The following BAZ2B variants were observed in gnomAD, a reference collection of about 807,000 sequenced individuals.
BAZ2B encodes the protein bromodomain adjacent to zinc finger domain protein 2B.
Under a neutral mutation model 246.0 loss-of-function variants are expected in BAZ2B, and 91 were observed. That is an observed-to-expected ratio of 0.37 (90% CI 0.31 to 0.44). The LOEUF (loss-of-function observed/expected upper bound fraction) is 0.44. Among genes scored for constraint, BAZ2B ranks in the 20% least tolerant of loss-of-function variants. BAZ2B has a pLI of 1.00. For synonymous variants in BAZ2B, 855 were observed against 860.0 expected (o/e 0.99, Z 0.10); for missense variants, 2,332 against 2,533.7 (o/e 0.92, Z 1.71).
chr2:159,443,520 T>C (rs1318972264), intron 6 of BAZ2B, among the ~76,000 whole-genome samples: 1 of 152,064 alleles, frequency 6.6e-6, no homozygotes, highest in Non-Finnish European at 1.5e-5. Flanking sequence ...ACTGAAGAAA[T>C]ACTGGGTGAA....
chr2:159,439,523 A>G (rs1178761892), intron 6 of BAZ2B, among the ~76,000 whole-genome samples: 1 of 152,228 alleles, frequency 6.6e-6, no homozygotes, highest in Non-Finnish European at 1.5e-5. Context: ...TCAGTTCACA[A>G]AATAATTCCA....
chr2:159,700,769 T>C, the BAZ2B span, among the ~76,000 whole-genome samples: 2 of 152,306 alleles, frequency 1.3e-5, no homozygotes, highest in Admixed American at 1.3e-4. Flanking sequence ...CTTATTGTTT[T>C]TTTTTCCTTG....
chr2:159,446,779 T>C lies in BAZ2B; in HGVS notation c.696+3A>G. 2.5e-6 allele frequency: 4 copies of C among 1,601,018 alleles called. No individual in the cohort carries two copies. Among genetic ancestry groups the C allele is most frequent in the Non-Finnish European group, 3.4e-6 (4 of 1,173,928 alleles). On this transcript the variant is annotated splice_donor_region_variant and intron_variant, in intron 6 of 36. Coordinates refer to ENST00000392783, the MANE Select transcript of BAZ2B (RefSeq NM_013450.4). ...TATATTAGTCCTTCCAAGTACAACT[T>C]ACCTTATCTTTGATTTTGTCAACTC...
At chr2:159,409,139 A>G (rs2066427776) in intron 14 of BAZ2B, among the ~76,000 whole-genome samples, 2 of 152,120 alleles carry the variant, frequency 1.3e-5, no homozygotes, top group Admixed American at 1.3e-4. Flanking sequence ...GTCTGCTTTA[A>G]TTTCAAAGAT....
At chr2:159,546,849 C>T (rs1297188240) in intron 2 of BAZ2B, among the ~76,000 whole-genome samples, 3 of 152,152 alleles carry the variant, frequency 2.0e-5, no homozygotes, top group African/African-American at 7.2e-5. Context: ...ACAGAAATAA[C>T]AAATCTGAAA....
At chr2:159,484,268 CTA>C (rs2150972973) in intron 2 of BAZ2B, among the ~76,000 whole-genome samples, 1 of 152,260 alleles carries the variant, frequency 6.6e-6, no homozygotes, top group African/African-American at 2.4e-5. Flanking sequence ...AATAGTAATT[CTA>C]TATAACTATA....
intron 1 of BAZ2B, among the ~76,000 whole-genome samples, chr2:159,587,836 A>G (rs565164367): frequency 7.4e-4 from 112 of 152,342 alleles, no homozygotes; most frequent in African/African-American, 2.5e-3. Context: ...TGAATTACCA[A>G]TAGTAGTTGC....
At chr2:159,619,528 CTA>C (rs1354938205), upstream of BAZ2B, among the ~76,000 whole-genome samples, 2 of 149,984 alleles carry the variant, frequency 1.3e-5, no homozygotes, top group Non-Finnish European at 3.0e-5. Context: ...ATATATTTCT[CTA>C]TTTCAATAAA....
the BAZ2B span, among the ~76,000 whole-genome samples, chr2:159,633,928 T>C: frequency 6.6e-6 from 1 of 151,970 alleles, no homozygotes; most frequent in Admixed American, 6.6e-5. Flanking sequence ...TTAGTAGAGA[T>C]GAGGTTTTGG....
At chr2:159,604,922 T>C (rs1374931512) in intron 1 of BAZ2B, among the ~76,000 whole-genome samples, 4 of 133,854 alleles carry the variant, frequency 3.0e-5, no homozygotes, top group Admixed American at 8.2e-5. Flanking sequence ...AACTGAAAAG[T>C]TAATATATTT....
intron 31 of BAZ2B, among the ~76,000 whole-genome samples, chr2:159,344,814 GA>G (rs1012692185): frequency 6.6e-6 from 1 of 151,678 alleles, no homozygotes; most frequent in African/African-American, 2.4e-5. Context: ...GTGGAAGCTT[GA>G]AAAAAAACTG....
chr2:159,667,751 T>G, the BAZ2B span, among the ~76,000 whole-genome samples: 1 of 152,082 alleles, frequency 6.6e-6, no homozygotes, highest in Non-Finnish European at 1.5e-5. Flanking sequence ...GTTCCATTGG[T>G]CCACGGGCTT....
intron 31 of BAZ2B, among the ~76,000 whole-genome samples, chr2:159,341,501 T>A (rs1174290518): frequency 1.3e-5 from 2 of 152,096 alleles, no homozygotes; most frequent in African/African-American, 4.8e-5. Flanking sequence ...CAAAGTAACA[T>A]CAAATTTAAT....
chr2:159,656,629 C>T, the BAZ2B span, among the ~76,000 whole-genome samples: 12 of 152,154 alleles, frequency 7.9e-5, no homozygotes, highest in East Asian at 1.4e-3. Flanking sequence ...CTTGGCAATA[C>T]GTGTTTAAGG....
intron 20 of BAZ2B, among the ~76,000 whole-genome samples, chr2:159,389,721 A>C (rs535781800): frequency 1.3e-5 from 2 of 152,308 alleles, no homozygotes; most frequent in South Asian, 4.1e-4. Flanking sequence ...ATACTTATTA[A>C]TACAAGCAGG....
At chr2:159,553,226 C>A (rs1278122911) in intron 2 of BAZ2B, among the ~76,000 whole-genome samples, 1 of 151,560 alleles carries the variant, frequency 6.6e-6, no homozygotes, top group Non-Finnish European at 1.5e-5. Flanking sequence ...AAAACCCTGT[C>A]TCTACTAAAA....
At chr2:159,359,491 G>C (rs139871602) in intron 27 of BAZ2B, among the ~76,000 whole-genome samples, 2,129 of 152,232 alleles carry the variant, frequency 0.014, 28 homozygotes, top group Middle Eastern at 0.027. Flanking sequence ...AAAAGCTCAG[G>C]ACCAGACAGA....
chr2:159,462,635 A>T (rs2076549248), intron 3 of BAZ2B: 3 of 943,490 alleles, frequency 3.2e-6, no homozygotes, highest in South Asian at 1.3e-5. Flanking sequence ...TTTATGACTA[A>T]CCAACTGAAC....
Position 159,386,569 on chromosome 2 carries a change from G to A in BAZ2B, c.3255C>T (p.Leu1085=). Residue 1085 remains leucine, a synonymous_variant, in exon 22 of 37, where the codon CTC becomes CTT. Transcript: ENST00000392783. ...GACAGTCTGAAAATGTACTTCCAGA[G>A]AGAACAAGTCCTGGAATACGAGGCA... is the stretch of plus-strand genomic sequence containing the variant. ...PELPRIPGLV[L]SGSTFSDCLM... 3 of 1,613,074 alleles carry A rather than the reference G, an allele frequency of 1.9e-6. No individual in the cohort carries two copies. Among genetic ancestry groups the A allele is most frequent in the Non-Finnish European group, 2.5e-6 (3 of 1,179,502 alleles).
Sources: gnomAD v4.1 joint callset for allele counts (sites outside exome capture counted in the v4.1 genomes callset) on GRCh38, gnomAD v4.1.1 for gene constraint, MANE v1.5 for transcripts, NCBI Gene and HGNC (gene_info 2026-07-23, HGNC 2026-07-21) for gene names.